The following SPIRE1 variants were observed in gnomAD, a reference collection of about 807,000 sequenced individuals.
SPIRE1 encodes spire type actin nucleation factor 1.
Under a neutral mutation model 94.1 loss-of-function variants are expected in SPIRE1, and 40 were observed. That is an observed-to-expected ratio of 0.43 (90% CI 0.33 to 0.55). SPIRE1 has a LOEUF of 0.55. Ranked by LOEUF, SPIRE1 falls within the 20% of genes least tolerant of loss-of-function variation. The pLI is 0.06. For missense variants in SPIRE1, 838 were observed against 975.2 expected, an observed-to-expected ratio of 0.86 and a Z score of 1.87; for synonymous variants, 376 against 371.7, an observed-to-expected ratio of 1.01 and a Z score of -0.13.
chr18:12,601,965 G>T (rs1033932512), intron 2 of SPIRE1, among the ~76,000 whole-genome samples: 3 of 152,112 alleles, frequency 2.0e-5, no homozygotes, highest in Admixed American at 6.5e-5. Flanking sequence ...CTGGTTACTG[G>T]TAGTGGGGAA....
intron 2 of SPIRE1, among the ~76,000 whole-genome samples, chr18:12,583,793 C>T (rs1261364595): frequency 6.6e-6 from 1 of 151,720 alleles, no homozygotes; most frequent in Non-Finnish European, 1.5e-5. Flanking sequence ...GGCGTGGTGG[C>T]ACACACCTAT....
At chr18:12,463,608 A>G in intron 11 of SPIRE1, 115 bp from the exon 12 acceptor site, 1 of 832,786 alleles carries the variant, frequency 1.2e-6, no homozygotes, top group Non-Finnish European at 1.8e-6. Flanking sequence ...CATTGGAGAG[A>G]TATTTTAAGA....
rs560610680 is a variant in SPIRE1 at position 12,448,669 on chromosome 18, C to G, written c.*969G>C. ...TAAAAATAAATTTTAGTTTGAGACC[C>G]TAGGTACCAAATTGTGGCTTAATTT... is the stretch of plus-strand genomic sequence containing the variant. On this transcript the variant is annotated 3_prime_UTR_variant, in exon 17 of 17. Transcript: ENST00000409402. The surrounding 1 kb of genome is among the most constrained non-coding windows in gnomAD (Gnocchi z 4.4). 6 of 152,230 alleles carry G rather than the reference C, an allele frequency of 3.9e-5. No homozygotes were observed. In the East Asian group the frequency reaches 1.2e-3, roughly 29 times the overall value. 9.4% of individuals were successfully genotyped at this position (152,230 alleles called of 1,614,324 possible). A position where few individuals can be genotyped will look rare whatever the true frequency, so the allele number is the denominator to read the frequency against.
At chr18:12,532,144 G>C (rs1267673700) in intron 4 of SPIRE1, among the ~76,000 whole-genome samples, 3 of 152,124 alleles carry the variant, frequency 2.0e-5, no homozygotes, top group African/African-American at 7.2e-5. Context: ...TGACCTTAAA[G>C]GAGTTCATTG....
Position 12,535,558 on chromosome 18 carries a change from T to C in SPIRE1, c.647A>G (p.His216Arg), listed in dbSNP as rs1567916199. Reference sequence around the variant, plus strand: ...CAGTGCACGACATACTGCCTGATAATGATTTGGTGCATCTGATTCAGTAGG... The same window carrying C: ...CAGTGCACGACATACTGCCTGATAACGATTTGGTGCATCTGATTCAGTAGG... ...HLPTESDAPN[H>R]YQAVCRALFA... Residue 216 changes from histidine to arginine, a missense_variant, in exon 4 of 17, where the codon CAT becomes CGT. By Grantham distance (29) the His-to-Arg change is conservative. Around this residue, in one of 2 missense-constraint regions of SPIRE1, gnomAD observed 645 missense variants for 804.7 expected, o/e 0.80. Coordinates refer to ENST00000409402, the MANE Select transcript of SPIRE1 (RefSeq NM_001128626.2). 3 of 1,613,400 alleles carry C rather than the reference T, an allele frequency of 1.9e-6. No homozygotes were observed. Among genetic ancestry groups the C allele is most frequent in the East Asian group, 4.5e-5 (2 of 44,864 alleles).
chr18:12,652,946 C>G (rs552138372), intron 1 of SPIRE1: 5 of 152,148 alleles, frequency 3.3e-5, no homozygotes, highest in African/African-American at 9.7e-5. Context: ...AGAACCAGTA[C>G]GACTCATTCA....
At position 12,638,402 on chromosome 18, in the gene SPIRE1, C is replaced by T. The variant is rs560686355; in HGVS notation, c.338-3306G>A. ...CAGTCTGCAGTGAGCTGTGATAGTG[C>T]CACAGCACTCCAGAACAGGTGACAG... On this transcript the variant is annotated intron_variant, in intron 1 of 16. Transcript: ENST00000409402. Among the ~76,000 whole-genome samples, 85 of 152,258 alleles carry T rather than the reference C, an allele frequency of 5.6e-4. 1 individual carries two copies. The highest frequency in any genetic ancestry group is 2.0e-3 in the African/African-American group (84 of 41,542).
intron 1 of SPIRE1, among the ~76,000 whole-genome samples, chr18:12,639,606 C>T (rs997238483): frequency 6.6e-6 from 1 of 152,138 alleles, no homozygotes; most frequent in Non-Finnish European, 1.5e-5. Flanking sequence ...GTGGCAGATG[C>T]CTATAATCCC....
At chr18:12,500,095 G>A (rs1159292770) in intron 6 of SPIRE1, among the ~76,000 whole-genome samples, 2 of 152,192 alleles carry the variant, frequency 1.3e-5, no homozygotes, top group African/African-American at 4.8e-5. Flanking sequence ...TGGACGCAAA[G>A]ATGGAAATAG....
In SPIRE1 at chr18:12,495,182, G is replaced by A. The variant is rs1044579626; in HGVS notation, c.1059+834C>T. On this transcript the variant is annotated intron_variant, in intron 7 of 16. Transcript: ENST00000409402. ...ACTATTCACTTTCTAGTTACTTTATGTACACTGTTTTGAGAGGCTTTGGTG... is the reference window on the plus strand; with the variant it reads ...ACTATTCACTTTCTAGTTACTTTATATACACTGTTTTGAGAGGCTTTGGTG... Among the ~76,000 whole-genome samples the A allele has an allele frequency of 5.3e-5, 8 of 151,764 alleles. 1 individual carries two copies. Among genetic ancestry groups the A allele is most frequent in the African/African-American group, 1.9e-4 (8 of 41,274 alleles).
chr18:12,450,715 T>A, intron 16 of SPIRE1: 1 of 657,354 alleles, frequency 1.5e-6, no homozygotes. Flanking sequence ...AGGATCCTAA[T>A]GCCCCGAAAA....
At chr18:12,513,365 T>C (rs537833583) in intron 4 of SPIRE1, among the ~76,000 whole-genome samples, 1 of 152,216 alleles carries the variant, frequency 6.6e-6, no homozygotes, top group Non-Finnish European at 1.5e-5. Flanking sequence ...CTGAGCTATG[T>C]GCCTGCCTGC....
intron 4 of SPIRE1, among the ~76,000 whole-genome samples, chr18:12,525,404 A>G (rs951980030): frequency 6.6e-6 from 1 of 151,386 alleles, no homozygotes; most frequent in Non-Finnish European, 1.5e-5. Context: ...GTTAAAATAT[A>G]TAATACATTA....
At position 12,558,518 on chromosome 18, in the gene SPIRE1, TC is replaced by T. The variant is rs2035585917; in HGVS notation, c.373-11615del. On this transcript the variant is annotated intron_variant, in intron 2 of 16. Transcript: ENST00000409402. ...TGTCTTGGGCAGCCTGCTTTTATTC[TC>T]TTATCTGGCCCCACTCACATCCTGC... Among the ~76,000 whole-genome samples, 3 of 152,324 alleles carry T rather than the reference TC, an allele frequency of 2.0e-5. No homozygotes were observed. In the South Asian group the frequency reaches 6.2e-4, roughly 32 times the overall value.
At chr18:12,549,323 T>C (rs1318372843) in intron 2 of SPIRE1, among the ~76,000 whole-genome samples, 1 of 152,108 alleles carries the variant, frequency 6.6e-6, no homozygotes, top group Non-Finnish European at 1.5e-5. Context: ...TTGTTGCAAT[T>C]ATTCCCAGTG....
At chr18:12,516,879 C>T (rs1416803367) in intron 4 of SPIRE1, among the ~76,000 whole-genome samples, 1 of 152,156 alleles carries the variant, frequency 6.6e-6, no homozygotes, top group Non-Finnish European at 1.5e-5. Flanking sequence ...TACATCTCTA[C>T]CTTTATTTGT....
intron 10 of SPIRE1, among the ~76,000 whole-genome samples, chr18:12,466,302 A>C (rs2032097811): frequency 6.6e-6 from 1 of 152,082 alleles, no homozygotes; most frequent in Non-Finnish European, 1.5e-5. Flanking sequence ...TTTGAGACGG[A>C]GTCTCACTCT....
At chr18:12,523,537 G>T (rs2034422389) in intron 4 of SPIRE1, among the ~76,000 whole-genome samples, 1 of 152,044 alleles carries the variant, frequency 6.6e-6, no homozygotes, top group Non-Finnish European at 1.5e-5. Flanking sequence ...TTTCAGAAAG[G>T]GCCAAAGCCA....
At chr18:12,637,440 C>T (rs944019012) in intron 1 of SPIRE1, among the ~76,000 whole-genome samples, 1 of 151,398 alleles carries the variant, frequency 6.6e-6, no homozygotes, top group African/African-American at 2.4e-5. Flanking sequence ...ACAAAGAAAT[C>T]TATAAGTTTT....
Sources: gnomAD v4.1 joint callset for allele counts (sites outside exome capture counted in the v4.1 genomes callset) on GRCh38, gnomAD v4.1.1 for gene constraint, gnomAD v4.1.1 regional missense constraint, Gnocchi (gnomAD v3.1) non-coding constraint, MANE v1.5 for transcripts, NCBI Gene and HGNC (gene_info 2026-07-23, HGNC 2026-07-21) for gene names.